Variants in ROBO2 observed in about 807,000 individuals in gnomAD.
ROBO2 encodes the protein roundabout guidance receptor 2.
Under a neutral mutation model 160.8 loss-of-function variants are expected in ROBO2, and 53 were observed. That is an observed-to-expected ratio of 0.33 (90% CI 0.26 to 0.41). ROBO2 has a LOEUF of 0.41. Among genes scored for constraint, ROBO2 ranks in the 10% least tolerant of loss-of-function variants. The probability of loss-of-function intolerance (pLI) is 1.00; values close to 1 mark genes in which losing one functional copy is unlikely to be tolerated. For missense variants in ROBO2, 1,577 were observed against 1,722.4 expected, an observed-to-expected ratio of 0.92 and a Z score of 1.49; for synonymous variants, 664 against 611.7, an observed-to-expected ratio of 1.09 and a Z score of -1.26.
At chr3:76,903,358 C>T (rs2075363485) in intron 2 of ROBO2, among the ~76,000 whole-genome samples, 1 of 152,034 alleles carries the variant, frequency 6.6e-6, no homozygotes, top group Non-Finnish European at 1.5e-5. Flanking sequence ...CAACTTTACC[C>T]CTCAATTATA....
intron 6 of ROBO2, among the ~76,000 whole-genome samples, chr3:77,538,247 C>T (rs1238341978): frequency 2.2e-5 from 3 of 138,920 alleles, no homozygotes; most frequent in Non-Finnish European, 3.0e-5. Flanking sequence ...GGTGCGATCT[C>T]GGCTCACTGC....
intron 2 of ROBO2, among the ~76,000 whole-genome samples, chr3:76,401,826 A>G (rs756891081): frequency 1.2e-4 from 18 of 151,586 alleles, no homozygotes; most frequent in Non-Finnish European, 2.1e-4. Flanking sequence ...AAGGTATCAG[A>G]ACAAGCTGAT....
At chr3:76,230,698 C>A (rs1338610056) in intron 2 of ROBO2, among the ~76,000 whole-genome samples, 3 of 36,854 alleles carry the variant, frequency 8.1e-5, no homozygotes, top group Admixed American at 2.9e-4. Context: ...CTGCCCCAAC[C>A]CTCTCCTTCT....
chr3:76,467,363 A>G (rs947204667), intron 2 of ROBO2, among the ~76,000 whole-genome samples: 5 of 152,144 alleles, frequency 3.3e-5, no homozygotes, highest in African/African-American at 1.2e-4. Flanking sequence ...GCTATCCAAA[A>G]ATTATGCCAG....
intron 2 of ROBO2, among the ~76,000 whole-genome samples, chr3:76,088,003 A>G (rs1189175616): frequency 6.6e-6 from 1 of 152,122 alleles, no homozygotes; most frequent in African/African-American, 2.4e-5. Flanking sequence ...AAAGACTCAT[A>G]GATTAAAAGT....
intron 1 of ROBO2, among the ~76,000 whole-genome samples, chr3:77,057,905 A>G (rs2065917362): frequency 6.6e-6 from 1 of 152,054 alleles, no homozygotes; most frequent in Non-Finnish European, 1.5e-5. Context: ...ACGGGTTGAT[A>G]GGTGCATCAA....
At chr3:76,715,864 A>G (rs186467890) in intron 2 of ROBO2, among the ~76,000 whole-genome samples, 132 of 152,286 alleles carry the variant, frequency 8.7e-4, no homozygotes, top group African/African-American at 3.0e-3. Context: ...GCTTATCTCA[A>G]ATATAAATCT....
In ROBO2 at chr3:76,274,912, C is replaced by T. The variant is rs1014845288; in HGVS notation, c.109+337310C>T. ...TATACCCAAAAAGGTAATATACAGT[C>T]TAGTCAGTTTACAAGAATTCAGTGA... On this transcript the variant is annotated intron_variant, in intron 2 of 26. Coordinates refer to the ROBO2 transcript ENST00000487694. 1.2e-4 allele frequency among the ~76,000 whole-genome samples: 18 copies of T among 151,636 alleles called. No individual in the cohort carries two copies. The East Asian group carries it at 3.5e-3, about 29-fold the overall frequency.
chr3:76,809,916 G>A (rs1376212706), intron 2 of ROBO2, among the ~76,000 whole-genome samples: 1 of 151,782 alleles, frequency 6.6e-6, no homozygotes, highest in Non-Finnish European at 1.5e-5. Flanking sequence ...ATGTCAGAGA[G>A]AAGGTAAAAA....
chr3:77,489,965 A>AT (rs2085864289), intron 4 of ROBO2, among the ~76,000 whole-genome samples: 1 of 151,904 alleles, frequency 6.6e-6, no homozygotes, highest in Non-Finnish European at 1.5e-5. Flanking sequence ...GCATTGTTAT[A>AT]TTTTGCAGAG....
At chr3:76,819,610 A>T (rs1319446079) in intron 2 of ROBO2, among the ~76,000 whole-genome samples, 1 of 152,040 alleles carries the variant, frequency 6.6e-6, no homozygotes, top group Non-Finnish European at 1.5e-5. Context: ...CATGGCAGGC[A>T]TTCATTGTTG....
At chr3:77,037,674 C>A (rs1578423765), upstream of ROBO2, among the ~76,000 whole-genome samples, 1 of 152,084 alleles carries the variant, frequency 6.6e-6, no homozygotes, top group African/African-American at 2.4e-5. Flanking sequence ...ACTCTTTCTG[C>A]CTCTGAGTGA....
chr3:77,298,475 C>G (rs977914521), intron 2 of ROBO2, among the ~76,000 whole-genome samples: 2 of 152,184 alleles, frequency 1.3e-5, no homozygotes, highest in Non-Finnish European at 2.9e-5. Flanking sequence ...TCCAGACTCT[C>G]TCACTCATGA....
At chr3:76,791,721 C>T (rs948418653) in intron 2 of ROBO2, among the ~76,000 whole-genome samples, 1 of 151,742 alleles carries the variant, frequency 6.6e-6, no homozygotes, top group Non-Finnish European at 1.5e-5. Context: ...GAGATGATAT[C>T]TGGCTTTAAG....
chr3:76,991,223 G>A (rs530433387), intron 2 of ROBO2, among the ~76,000 whole-genome samples: 2 of 152,210 alleles, frequency 1.3e-5, no homozygotes, highest in African/African-American at 4.8e-5. Flanking sequence ...AGACATGTAT[G>A]CAGACCCTTA....
At position 77,295,299 on chromosome 3, in the gene ROBO2, G is replaced by A. The variant is rs1186417035; in HGVS notation, c.389-182115G>A. ...GAGGCTAGATCACCAAAGACATTAA[G>A]TAAAATTGACGGCTAAACGGGTAAG... On this transcript the variant is annotated intron_variant, in intron 2 of 25. Coordinates refer to ENST00000461745, the Ensembl canonical transcript of ROBO2. Among the ~76,000 whole-genome samples the A allele has an allele frequency of 2.0e-5, 3 of 148,778 alleles. No homozygotes were observed. In the South Asian group the frequency reaches 6.3e-4, roughly 31 times the overall value.
intron 2 of ROBO2, among the ~76,000 whole-genome samples, chr3:77,219,489 G>GTGTATATATATATATATAATCTGTA (rs2085479710): frequency 9.0e-6 from 1 of 111,476 alleles, no homozygotes; most frequent in Non-Finnish European, 1.9e-5. Context: ...TATATAATCT[G>GTGTATATATATATATATAATCTGTA]TATATATATA....
rs184927555 is a variant in ROBO2 at position 76,872,421 on chromosome 3, A to G, written c.110-225593A>G. Among the ~76,000 whole-genome samples, 122 of 152,234 alleles carry G rather than the reference A, an allele frequency of 8.0e-4. 1 individual carries two copies. The East Asian group carries it at 0.021, about 26-fold the overall frequency. On this transcript the variant is annotated intron_variant, in intron 2 of 26. Transcript: ENST00000487694. ...TTTTTTGTTGTTTCTCTGTAATTAT[A>G]TTTTTATCCATTTAAAACCTTTTAT...
intron 6 of ROBO2, among the ~76,000 whole-genome samples, chr3:77,541,483 A>G (rs2153644549): frequency 6.6e-6 from 1 of 152,348 alleles, no homozygotes; most frequent in South Asian, 2.1e-4. Flanking sequence ...AATCTAATTT[A>G]CTGTGCATTG....
Sources: gnomAD v4.1 joint callset for allele counts (sites outside exome capture counted in the v4.1 genomes callset) on GRCh38, gnomAD v4.1.1 for gene constraint, MANE v1.5 for transcripts, NCBI Gene and HGNC (gene_info 2026-07-23, HGNC 2026-07-21) for gene names.